Variants in NEURL2 observed in about 807,000 individuals in gnomAD.
NEURL2 encodes neuralized-like protein 2.
NEURL2 carries 16 observed loss-of-function variants against 15.9 expected under a neutral mutation model. The observed-to-expected ratio is 1.01, with a 90% CI of 0.68 to 1.53. The LOEUF is 1.53. Ranked by LOEUF, NEURL2 falls within the 40% of genes most tolerant of loss-of-function variation. NEURL2 has a pLI of 0.00. For synonymous variants in NEURL2, 188 were observed against 178.3 expected (o/e 1.05, Z -0.43); for missense variants, 393 against 407.8 (o/e 0.96, Z 0.31).
In NEURL2 at chr20:45,890,365, G is replaced by C. The variant is rs1601134553; in HGVS notation, c.627C>G (p.Asn209Lys). ...DGTADMHIIINGEDMGPSARG... is the reference protein window; with the variant it reads ...DGTADMHIIIKGEDMGPSARG... ...GGGCGCTCGGGCCCATGTCCTCGCC[G>C]TTGATGATGATGTGCATGTCGGCCG... The change falls in exon 1 of 2, where the codon AAC becomes AAG. Residue 209 changes from asparagine (N) to lysine (K), a missense_variant. Coordinates refer to ENST00000372518, the MANE Select transcript of NEURL2 (RefSeq NM_080749.4). The C allele has an allele frequency of 6.2e-7, 1 of 1,612,868 alleles. No individual in the cohort carries two copies. Among genetic ancestry groups the C allele is most frequent in the Non-Finnish European group, 8.5e-7 (1 of 1,179,976 alleles).
In NEURL2 at chr20:45,888,721, T is replaced by C. The variant is rs1516580; in HGVS notation, c.*37A>G. The C allele has an allele frequency of 0.62, 1,000,766 of 1,606,148 alleles. 313,783 individuals carry two copies. Among genetic ancestry groups the C allele is most frequent in the Admixed American group, 0.74 (44,355 of 59,558 alleles). On this transcript the variant is annotated 3_prime_UTR_variant, in exon 2 of 2. Coordinates refer to ENST00000372518, the MANE Select transcript of NEURL2 (RefSeq NM_080749.4). ...GACCAGCCAGCCACAGGTCTGGGGC[T>C]CCAGGATGCAGCTGTGCTCTGGTGC...
rs1165780121 is a variant in NEURL2 at position 45,888,857 on chromosome 20, A to G, written c.759T>C (p.Thr253=). Residue 253 remains threonine (T), a synonymous_variant, in exon 2 of 2, where the codon ACT becomes ACC. Transcript: ENST00000372518. ...TCCTTTGTATCACTAGGCGGCACAG[A>G]GTCTGCAGGGATGGCACTGTGGGAA... ...QLEYGLPSLQ[T]LCRLVIQRSM... is the part of the protein sequence containing the mutation. 1 of 1,614,066 alleles carries G rather than the reference A, an allele frequency of 6.2e-7. No individual in the cohort carries two copies. The highest frequency in any genetic ancestry group is 8.5e-7 in the Non-Finnish European group (1 of 1,179,962).
rs1031926351 is a variant in NEURL2 at position 45,890,833 on chromosome 20, C to T, written c.159G>A (p.Val53=). ...GGGCCAGCGGCTCGCGGCTGAAGCA[C>T]ACGCCGTGGGCGAAGCTCTCCACGC... The part of the protein sequence containing the change: ...ATRVESFAHG[V]CFSREPLAPG... Residue 53 remains valine (V), a synonymous_variant, in exon 1 of 2, where the codon GTG becomes GTA. Transcript: ENST00000372518. 1 of 1,569,830 alleles carries T rather than the reference C, an allele frequency of 6.4e-7. No individual in the cohort carries two copies.
In NEURL2 at chr20:45,890,581, T is replaced by G; in HGVS notation, c.411A>C (p.Arg137=). The G allele has an allele frequency of 1.9e-6, 3 of 1,612,112 alleles. No individual in the cohort carries two copies. Among genetic ancestry groups the G allele is most frequent in the Non-Finnish European group, 2.5e-6 (3 of 1,179,296 alleles). ...ATGGTTCCACGAGGAGGGTTGGAGG[T>G]CGGCTGGGGGCCGCTGCCTCCGCCT... ...RPEAEAAAPS[R]PPTLLVEPYL... is the part of the protein sequence containing the mutation. The change falls in exon 1 of 2, where the codon CGA becomes CGC. Residue 137 remains arginine, a synonymous_variant. Coordinates refer to ENST00000372518, the MANE Select transcript of NEURL2 (RefSeq NM_080749.4).
rs1317578445 is a variant in NEURL2 at position 45,890,705 on chromosome 20, A to ACGGGGGCCAGACTGG, written c.272_286dup (p.Ala91_Pro95dup). ...CAGATCGGGCAGAGAAAACTCGGGA[A>ACGGGGGCCAGACTGG]CGGGGGCCAGACTGGCGGGGTCCAG... is the stretch of plus-strand genomic sequence containing the variant. On this transcript the variant is annotated inframe_insertion, in exon 1 of 2. Transcript: ENST00000372518. 1 of 1,613,706 alleles carries ACGGGGGCCAGACTGG rather than the reference A, an allele frequency of 6.2e-7. No homozygotes were observed. The highest frequency in any genetic ancestry group is 8.5e-7 in the Non-Finnish European group (1 of 1,179,862).
chr20:45,888,664 G>T lies in NEURL2; in HGVS notation c.*94C>A. The T allele has an allele frequency of 8.4e-7, 1 of 1,191,948 alleles. No homozygotes were observed. Among genetic ancestry groups the T allele is most frequent in the Non-Finnish European group, 1.2e-6 (1 of 823,604 alleles). The allele number at this position is 1,191,948 out of a possible 1,614,324, so 73.8% of individuals were successfully genotyped here. A position where few individuals can be genotyped will look rare whatever the true frequency, so the allele number is the denominator to read the frequency against. ...ATGTCAGCATCGGCTGTTTATTTCT[G>T]GTCTTGGCTGGCAGCAATGTGGCCA... On this transcript the variant is annotated 3_prime_UTR_variant, in exon 2 of 2. Transcript: ENST00000372518.
rs1986747863 is a variant in NEURL2 at position 45,890,706 on chromosome 20, C to T, written c.286G>A (p.Val96Ile). ...AGATCGGGCAGAGAAAACTCGGGAA[C>T]GGGGGCCAGACTGGCGGGGTCCAGC... ...TALDPASLAP[V>I]PEFSLPDLVN... The change falls in exon 1 of 2, where the codon GTT (valine) becomes ATT (isoleucine). Residue 96 changes from valine (V) to isoleucine (I), a missense_variant. By Grantham distance (29) the Val-to-Ile change is conservative. Coordinates refer to ENST00000372518, the MANE Select transcript of NEURL2 (RefSeq NM_080749.4). 1 of 1,613,624 alleles carries T rather than the reference C, an allele frequency of 6.2e-7. No individual in the cohort carries two copies. Among genetic ancestry groups the T allele is most frequent in the African/African-American group, 1.3e-5 (1 of 74,928 alleles).
In NEURL2 at chr20:45,890,902, G is replaced by A. The variant is rs1022917583; in HGVS notation, c.90C>T (p.His30=). 6.4e-7 allele frequency: 1 copy of A among 1,557,880 alleles called. No homozygotes were observed. The highest frequency in any genetic ancestry group is 1.4e-5 in the African/African-American group (1 of 73,536). ...EPPPTRFHRV[H]GANIRVDPSG... ...AGGGGTCCACGCGGATGTTGGCACC[G>A]TGCACCCGATGGAAGCGGGTGGGAG... Residue 30 remains histidine, a synonymous_variant, in exon 1 of 2, where the codon CAC becomes CAT. Transcript: ENST00000372518.
rs778900027 is a variant in NEURL2, at chr20:45,890,323, C to A, written c.669G>T (p.Ala223=). 1.9e-6 allele frequency: 3 copies of A among 1,613,286 alleles called. No homozygotes were observed. Among genetic ancestry groups the A allele is most frequent in the South Asian group, 1.1e-5 (1 of 91,088 alleles). Reference sequence around the variant, plus strand: ...CGTCCACCACCGCGTAGAGGGGCTGCGCAGCTGGCAGTCCCCGGGCGCTCG... The same window carrying A: ...CGTCCACCACCGCGTAGAGGGGCTGAGCAGCTGGCAGTCCCCGGGCGCTCG... ...MGPSARGLPA[A]QPLYAVVDVF... Residue 223 remains alanine, a synonymous_variant, in exon 1 of 2, where the codon GCG becomes GCT. Transcript: ENST00000372518.
chr20:45,888,797 G>C lies in NEURL2; in HGVS notation c.819C>G (p.His273Gln). Residue 273 changes from histidine to glutamine, a missense_variant, in exon 2 of 2, where the codon CAC (histidine) becomes CAG (glutamine). By Grantham distance (24) the His-to-Gln change is conservative. Coordinates refer to ENST00000372518, the MANE Select transcript of NEURL2 (RefSeq NM_080749.4). ...MVHRLAIDGL[H>Q]LPKELKDFCK... ...AGAAATCCTTAAGTTCTTTGGGCAG[G>C]TGGAGCCCATCAATGGCCAGCCGGT... 6.2e-7 allele frequency: 1 copy of C among 1,614,110 alleles called. No homozygotes were observed. The highest frequency in any genetic ancestry group is 8.5e-7 in the Non-Finnish European group (1 of 1,179,996).
At chr20:45,890,161 G>GACGAAGGCCTAGCACATGGGCT in intron 1 of NEURL2, 89 bp downstream of exon 1, 1 of 1,445,770 alleles carries the variant, frequency 6.9e-7, no homozygotes. Context: ...GTGCCGGACA[G>GACGAAGGCCTAGCACATGGGCT]ACGAAGGCCT....
In NEURL2 at chr20:45,890,721, C is replaced by G. The variant is rs1986750648; in HGVS notation, c.271G>C (p.Ala91Pro). The change falls in exon 1 of 2, where the codon GCC becomes CCC. Residue 91 changes from alanine to proline, a missense_variant. Coordinates refer to ENST00000372518, the MANE Select transcript of NEURL2 (RefSeq NM_080749.4). ...AACTCGGGAACGGGGGCCAGACTGGCGGGGTCCAGCGCGGTCAGACCGAGA... is the reference window on the plus strand; with the variant it reads ...AACTCGGGAACGGGGGCCAGACTGGGGGGGTCCAGCGCGGTCAGACCGAGA... ...LRLGLTALDP[A>P]SLAPVPEFSL... 6.2e-7 allele frequency: 1 copy of G among 1,613,390 alleles called. No individual in the cohort carries two copies. The highest frequency in any genetic ancestry group is 1.3e-5 in the African/African-American group (1 of 74,914).
chr20:45,888,813 G>C lies in NEURL2; in HGVS notation c.803C>G (p.Ala268Gly). The change falls in exon 2 of 2, where the codon GCC becomes GGC. Residue 268 changes from alanine to glycine, a missense_variant. Transcript: ENST00000372518. ...TTTGGGCAGGTGGAGCCCATCAATGGCCAGCCGGTGCACCATGCTCCTTTG... is the reference window on the plus strand; with the variant it reads ...TTTGGGCAGGTGGAGCCCATCAATGCCCAGCCGGTGCACCATGCTCCTTTG... ...VIQRSMVHRL[A>G]IDGLHLPKEL... 3 of 1,614,068 alleles carry C rather than the reference G, an allele frequency of 1.9e-6. No homozygotes were observed. The highest frequency in any genetic ancestry group is 2.5e-6 in the Non-Finnish European group (3 of 1,179,964).
chr20:45,889,088 C>T (rs995092151), intron 1 of NEURL2, among the ~76,000 whole-genome samples: 9 of 152,200 alleles, frequency 5.9e-5, no homozygotes, highest in Non-Finnish European at 1.0e-4. Context: ...ACACTTAGCA[C>T]AATCCCTTCC....
chr20:45,889,370 T>A (rs79968339), intron 1 of NEURL2, among the ~76,000 whole-genome samples: 1 of 149,434 alleles, frequency 6.7e-6, no homozygotes, highest in Admixed American at 6.6e-5. Context: ...TTTTTTTTTT[T>A]ATTTAAAGAG....
chr20:45,890,240 G>C lies in NEURL2; in HGVS notation c.742+10C>G, dbSNP rs780780687. ...TGAGCCAGGAGGGGTCGCTGCCCAGGGATACCTACAGCCATACTCGAGCTG... is the reference window on the plus strand; with the variant it reads ...TGAGCCAGGAGGGGTCGCTGCCCAGCGATACCTACAGCCATACTCGAGCTG... On this transcript the variant is annotated intron_variant, in intron 1 of 1. Coordinates refer to ENST00000372518, the MANE Select transcript of NEURL2 (RefSeq NM_080749.4). 9 of 1,613,848 alleles carry C rather than the reference G, an allele frequency of 5.6e-6. No individual in the cohort carries two copies. The East Asian group carries it at 2.0e-4, about 36-fold the overall frequency.
In NEURL2 at chr20:45,890,464, A is replaced by T. The variant is rs760597081; in HGVS notation, c.528T>A (p.Tyr176Ter). The T allele has an allele frequency of 3.7e-6, 6 of 1,603,582 alleles. No homozygotes were observed. The highest frequency in any genetic ancestry group is 5.1e-6 in the Non-Finnish European group (6 of 1,174,692). Reference sequence around the variant, plus strand: ...CGGTCGGAGGCAGCACGTTCAGCTCATAGAGCTGGTCCAAGAGATGGCTGT... The same window carrying T: ...CGGTCGGAGGCAGCACGTTCAGCTCTTAGAGCTGGTCCAAGAGATGGCTGT... ...GLYSHLLDQL[Y>*]ELNVLPPTAR... is the part of the protein sequence containing the mutation. Residue 176 changes from tyrosine to a stop codon, truncating the protein, a stop_gained, in exon 1 of 2, where the codon TAT (tyrosine) becomes TAA (stop). Transcript: ENST00000372518. LOFTEE classifies it high-confidence loss of function.
chr20:45,890,935 C>G lies in NEURL2; in HGVS notation c.57G>C (p.Pro19=). The part of the protein sequence containing the change: ...DSGALWGLER[P]EPPPTRFHRV... ...GATGGAAGCGGGTGGGAGGGGGCTC[C>G]GGGCGCTCGAGTCCCCAGAGTGCAC... Residue 19 remains proline, a synonymous_variant, in exon 1 of 2, where the codon CCG becomes CCC. Coordinates refer to ENST00000372518, the MANE Select transcript of NEURL2 (RefSeq NM_080749.4). 6.6e-7 allele frequency: 1 copy of G among 1,525,678 alleles called. No individual in the cohort carries two copies. The highest frequency in any genetic ancestry group is 8.8e-7 in the Non-Finnish European group (1 of 1,135,846). 94.5% of individuals were successfully genotyped at this position (1,525,678 alleles called of 1,614,324 possible). A position where few individuals can be genotyped will look rare whatever the true frequency, so the allele number is the denominator to read the frequency against.
intron 1 of NEURL2, among the ~76,000 whole-genome samples, chr20:45,889,848 A>G (rs1000947010): frequency 6.6e-6 from 1 of 152,136 alleles, no homozygotes; most frequent in South Asian, 2.1e-4. Context: ...TCCTGGCCTC[A>G]AGTGATCTGC....
Sources: gnomAD v4.1 joint callset for allele counts (sites outside exome capture counted in the v4.1 genomes callset) on GRCh38, gnomAD v4.1.1 for gene constraint, MANE v1.5 for transcripts, NCBI Gene and HGNC (gene_info 2026-07-23, HGNC 2026-07-21) for gene names.